The following CAT variants were observed in gnomAD, a reference collection of about 807,000 sequenced individuals.
CAT encodes epididymis secretory sperm binding protein.
CAT carries 43 observed loss-of-function variants against 59.0 expected under a neutral mutation model. The observed-to-expected ratio is 0.73, with a 90% CI of 0.57 to 0.94. CAT has a LOEUF of 0.94. CAT is among the 40% of genes least tolerant of loss of function. CAT has a pLI of 0.00. For missense variants in CAT, 664 were observed against 682.9 expected (o/e 0.97, Z 0.31); for synonymous variants, 218 against 230.9 (o/e 0.94, Z 0.51).
chr11:34,448,482 A>G (rs1471260016), intron 1 of CAT, among the ~76,000 whole-genome samples: 1 of 152,184 alleles, frequency 6.6e-6, no homozygotes, highest in African/African-American at 2.4e-5. Flanking sequence ...TAGAGGAGGG[A>G]CAGCTGAGTG....
At chr11:34,464,709 C>G (rs560236077) in intron 10 of CAT, among the ~76,000 whole-genome samples, 5 of 151,874 alleles carry the variant, frequency 3.3e-5, no homozygotes, top group Non-Finnish European at 5.9e-5. Flanking sequence ...CTTCTGCTTG[C>G]CAATGCTAAT....
At chr11:34,470,310 A>G (rs1246010521) in intron 11 of CAT, among the ~76,000 whole-genome samples, 1 of 152,170 alleles carries the variant, frequency 6.6e-6, no homozygotes, top group Non-Finnish European at 1.5e-5. Flanking sequence ...AAGGCCTCGG[A>G]GCTTCTGTGC....
chr11:34,455,947 C>T (rs1475047638), intron 6 of CAT, 64 bp from the exon 7 acceptor site: 19 of 1,369,566 alleles, frequency 1.4e-5, no homozygotes, highest in Admixed American at 5.1e-5. Flanking sequence ...CAATGAATTA[C>T]TGATGAAATT....
intron 1 of CAT, among the ~76,000 whole-genome samples, chr11:34,446,098 T>C (rs1364403689): frequency 1.3e-5 from 2 of 152,202 alleles, no homozygotes; most frequent in African/African-American, 4.8e-5. Flanking sequence ...ATTAATACTC[T>C]ATCTTTCAGT....
rs1425519386 is a variant in CAT, at chr11:34,460,281, T to C, written c.1057-970T>C. Among the ~76,000 whole-genome samples the C allele has an allele frequency of 3.3e-5, 5 of 152,302 alleles. 1 individual carries two copies. In the East Asian group the frequency reaches 9.6e-4, roughly 29 times the overall value. On this transcript the variant is annotated intron_variant, in intron 8 of 12. Coordinates refer to ENST00000241052, the MANE Select transcript of CAT (RefSeq NM_001752.4). ...TTTCAAGATGCTTGCCATCTTTGCC[T>C]TGATTAACATGGAACATAATTTAAT... is the stretch of plus-strand genomic sequence containing the variant.
intron 10 of CAT, among the ~76,000 whole-genome samples, chr11:34,465,659 A>G (rs144507423): frequency 5.8e-4 from 89 of 152,302 alleles, no homozygotes; most frequent in African/African-American, 2.1e-3. Flanking sequence ...TCACAATACT[A>G]TTGTTATAGA....
intron 9 of CAT, 21 bp downstream of exon 9, chr11:34,461,410 C>T (rs777101829): frequency 1.9e-6 from 3 of 1,614,018 alleles, no homozygotes; most frequent in South Asian, 2.2e-5. Context: ...AGACGTTGGG[C>T]TCCCCCTGCG....
intron 8 of CAT, among the ~76,000 whole-genome samples, chr11:34,459,876 C>T (rs954311515): frequency 1.3e-5 from 2 of 152,232 alleles, no homozygotes; most frequent in African/African-American, 4.8e-5. Flanking sequence ...CAGCTTCCAA[C>T]CTATAGCTGA....
intron 1 of CAT, among the ~76,000 whole-genome samples, chr11:34,442,074 T>C (rs1327399194): frequency 6.6e-6 from 1 of 152,230 alleles, no homozygotes. Context: ...TATCTCATTA[T>C]GGTTTTAATT....
At chr11:34,465,662 G>T (rs1856706409) in intron 10 of CAT, among the ~76,000 whole-genome samples, 1 of 152,144 alleles carries the variant, frequency 6.6e-6, no homozygotes, top group African/African-American at 2.4e-5. Context: ...CAATACTATT[G>T]TTATAGATTC....
intron 10 of CAT, among the ~76,000 whole-genome samples, chr11:34,467,810 GAAT>G (rs1198156063): frequency 6.6e-6 from 1 of 152,030 alleles, no homozygotes; most frequent in Non-Finnish European, 1.5e-5. Flanking sequence ...ATTGGCTTCT[GAAT>G]AACTACAGAT....
Position 34,471,419 on chromosome 11 carries a change from A to G in CAT, c.1570A>G (p.Lys524Glu). The G allele has an allele frequency of 6.2e-7, 1 of 1,613,914 alleles. No individual in the cohort carries two copies. The highest frequency in any genetic ancestry group is 8.5e-7 in the Non-Finnish European group (1 of 1,179,814). ...QSGSHLAAREKANL is the reference protein window; with the variant it reads ...QSGSHLAAREEANL ...CGGATCTCACTTGGCGGCAAGGGAG[A>G]AGGCAAATCTGTGAGGCCGGGGCCC... The change falls in exon 13 of 13, where the codon AAG becomes GAG. Residue 524 changes from lysine to glutamate, a missense_variant. By Grantham distance (56) the Lys-to-Glu change is moderately conservative. Transcript: ENST00000241052.
At chr11:34,460,446 C>CCT (rs764827639) in intron 8 of CAT, among the ~76,000 whole-genome samples, 16 of 84,496 alleles carry the variant, frequency 1.9e-4, no homozygotes, top group Admixed American at 6.8e-4. Flanking sequence ...GTGGGCGGTA[C>CCT]TTTTTTTTTT....
At chr11:34,452,330 T>C (rs926317547) in intron 4 of CAT, 123 bp downstream of exon 4, 3 of 865,438 alleles carry the variant, frequency 3.5e-6, no homozygotes, top group Non-Finnish European at 3.8e-6. Flanking sequence ...TTGTCTGGAC[T>C]ACTTTTTTCA....
intron 9 of CAT, among the ~76,000 whole-genome samples, chr11:34,461,735 T>C (rs1286744722): frequency 6.6e-6 from 1 of 152,216 alleles, no homozygotes; most frequent in Non-Finnish European, 1.5e-5. Context: ...TTCACCAAAA[T>C]GGACAATTCC....
intron 1 of CAT, 108 bp downstream of exon 1, chr11:34,439,187 G>A (rs899959891): frequency 1.9e-5 from 20 of 1,030,632 alleles, no homozygotes; most frequent in Non-Finnish European, 2.8e-5. Flanking sequence ...GGACTGTACC[G>A]CGGCTCACTG....
intron 10 of CAT, among the ~76,000 whole-genome samples, chr11:34,464,790 C>A (rs1262492040): frequency 6.6e-6 from 1 of 151,894 alleles, no homozygotes; most frequent in African/African-American, 2.4e-5. Flanking sequence ...ATGGTTGTGG[C>A]TCTTCCACAA....
intron 9 of CAT, among the ~76,000 whole-genome samples, chr11:34,463,866 A>G (rs1163764437): frequency 6.6e-6 from 1 of 152,232 alleles, no homozygotes; most frequent in Non-Finnish European, 1.5e-5. Context: ...AGATTCATTC[A>G]TAAAGTGCGG....
At position 34,464,127 on chromosome 11, in the gene CAT, C is replaced by T. The variant is rs201105363; in HGVS notation, c.1218C>T (p.Pro406=). The change falls in exon 10 of 13, where the codon CCC becomes CCT. Residue 406 remains proline, a synonymous_variant. Transcript: ENST00000241052. ...DNQGGAPNYY[P]NSFGAPEQQP... is the part of the protein sequence containing the mutation. ...AAGGTGGTGCTCCAAATTACTACCC[C>T]AACAGCTTTGGTGCTCCGGAACAAC... 4.4e-5 allele frequency: 71 copies of T among 1,614,130 alleles called. No individual in the cohort carries two copies. In the East Asian group the frequency reaches 1.1e-3, roughly 25 times the overall value.
Sources: allele counts gnomAD v4.1 joint callset (sites outside exome capture counted in the v4.1 genomes callset), GRCh38; gene constraint gnomAD v4.1.1; transcripts MANE v1.5; gene names NCBI Gene and HGNC (gene_info 2026-07-23, HGNC 2026-07-21).